EPHA5: variants seen among roughly 807,000 people sequenced by gnomAD.
The protein encoded by EPHA5 is ephrin type-A receptor 5.
A neutral mutation model predicts 105.0 loss-of-function variants in EPHA5; 60 were observed. The observed-to-expected ratio is 0.57, with a 90% CI of 0.46 to 0.71. EPHA5 has a LOEUF of 0.71. EPHA5 is among the 30% of genes least tolerant of loss of function. The probability of loss-of-function intolerance (pLI) is 0.00; values close to 1 mark genes in which losing one functional copy is unlikely to be tolerated. For missense variants in EPHA5, 1,218 were observed against 1,274.7 expected (o/e 0.96, Z 0.68); for synonymous variants, 513 against 449.1 (o/e 1.14, Z -1.80).
chr4:65,340,441 G>A (rs552910146), intron 14 of EPHA5, among the ~76,000 whole-genome samples: 14 of 152,214 alleles, frequency 9.2e-5, no homozygotes, highest in Admixed American at 7.2e-4. Context: ...CTGATACAGA[G>A]CAGCAGGAAG....
intron 3 of EPHA5, among the ~76,000 whole-genome samples, chr4:65,516,946 G>A (rs1734165581): frequency 6.6e-6 from 1 of 152,094 alleles, no homozygotes. Context: ...AGAATGTGTA[G>A]TGTTTGTGTG....
intron 6 of EPHA5, among the ~76,000 whole-genome samples, chr4:65,417,131 C>T (rs1263115013): frequency 6.6e-6 from 1 of 152,178 alleles, no homozygotes. Context: ...TTTGCCTCTG[C>T]CTTTAATTAA....
chr4:65,506,958 C>G (rs530888721), intron 3 of EPHA5, among the ~76,000 whole-genome samples: 17 of 151,894 alleles, frequency 1.1e-4, no homozygotes, highest in Non-Finnish European at 2.2e-4. Context: ...ATGTCCTGAA[C>G]GGTATTGCCT....
chr4:65,409,564 T>G (rs1021530507), intron 7 of EPHA5, among the ~76,000 whole-genome samples: 1 of 152,140 alleles, frequency 6.6e-6, no homozygotes, highest in Non-Finnish European at 1.5e-5. Flanking sequence ...TCTCTAGACT[T>G]TATTGCCTCA....
chr4:65,410,456 C>A (rs761104476), intron 7 of EPHA5, among the ~76,000 whole-genome samples: 6 of 152,088 alleles, frequency 3.9e-5, no homozygotes, highest in Non-Finnish European at 8.8e-5. Context: ...TATTAAAAAG[C>A]AACACAAGGG....
At chr4:65,536,399 T>G (rs1736289666) in intron 3 of EPHA5, among the ~76,000 whole-genome samples, 1 of 151,856 alleles carries the variant, frequency 6.6e-6, no homozygotes, top group Non-Finnish European at 1.5e-5. Flanking sequence ...AAATTCTTAT[T>G]TTCTTAACAG....
At chr4:65,552,652 C>T (rs960772177) in intron 3 of EPHA5, among the ~76,000 whole-genome samples, 11 of 152,052 alleles carry the variant, frequency 7.2e-5, no homozygotes, top group African/African-American at 2.2e-4. Context: ...GACATAAATA[C>T]TTGTGAATGT....
intron 5 of EPHA5, among the ~76,000 whole-genome samples, chr4:65,461,929 A>G (rs983843405): frequency 6.6e-6 from 1 of 152,152 alleles, no homozygotes; most frequent in East Asian, 1.9e-4. Context: ...ATAACAGAAT[A>G]TAATTGATAT....
intron 8 of EPHA5, among the ~76,000 whole-genome samples, chr4:65,369,901 A>C (rs1385566630): frequency 6.6e-6 from 1 of 152,142 alleles, no homozygotes; most frequent in East Asian, 1.9e-4. Flanking sequence ...CAGGAGCCGG[A>C]GGTTGCAGTG....
At chr4:65,365,649 CTATATA>C (rs57048004) in intron 10 of EPHA5, among the ~76,000 whole-genome samples, 9,472 of 64,102 alleles carry the variant, frequency 0.15, 753 homozygotes, top group East Asian at 0.24. Flanking sequence ...TACAAATTCA[CTATATA>C]TATATATATA....
intron 3 of EPHA5, among the ~76,000 whole-genome samples, chr4:65,518,901 T>C (rs2149274764): frequency 6.6e-6 from 1 of 152,238 alleles, no homozygotes. Flanking sequence ...GAGGAGCTGG[T>C]ATCATTCCTT....
At chr4:65,577,816 A>G (rs1741211728) in intron 3 of EPHA5, among the ~76,000 whole-genome samples, 1 of 152,106 alleles carries the variant, frequency 6.6e-6, no homozygotes, top group South Asian at 2.1e-4. Flanking sequence ...GAGGGAAAGT[A>G]TGTACTTAGC....
intron 3 of EPHA5, among the ~76,000 whole-genome samples, chr4:65,542,573 G>C (rs1466411821): frequency 6.6e-6 from 1 of 151,792 alleles, no homozygotes; most frequent in African/African-American, 2.4e-5. Context: ...AATTGAGGCA[G>C]TAATAAGTAG....
At chr4:65,448,500 T>C (rs1437102361) in intron 5 of EPHA5, among the ~76,000 whole-genome samples, 1 of 151,842 alleles carries the variant, frequency 6.6e-6, no homozygotes, top group African/African-American at 2.4e-5. Flanking sequence ...ATACAAAAAT[T>C]AGCTAGGTGT....
chr4:65,381,543 A>C (rs987280997), intron 8 of EPHA5, among the ~76,000 whole-genome samples: 1 of 151,882 alleles, frequency 6.6e-6, no homozygotes, highest in African/African-American at 2.4e-5. Context: ...GTGATTAAAA[A>C]GAATTTAAAC....
intron 5 of EPHA5, among the ~76,000 whole-genome samples, chr4:65,437,750 A>C (rs1189100317): frequency 2.6e-5 from 4 of 152,076 alleles, no homozygotes; most frequent in South Asian, 4.1e-4. Context: ...CCAGTGCCTC[A>C]ATATAGTCAT....
At chr4:65,417,669 C>T (rs2149029326) in intron 6 of EPHA5, among the ~76,000 whole-genome samples, 1 of 151,856 alleles carries the variant, frequency 6.6e-6, no homozygotes, top group African/African-American at 2.4e-5. Flanking sequence ...GAATATACAG[C>T]ATTAAATTTG....
chr4:65,521,103 T>C (rs983589303), intron 3 of EPHA5, among the ~76,000 whole-genome samples: 3 of 152,052 alleles, frequency 2.0e-5, no homozygotes, highest in Non-Finnish European at 4.4e-5. Context: ...CTATTCACAA[T>C]AGCAAAGACT....
intron 5 of EPHA5, among the ~76,000 whole-genome samples, chr4:65,448,743 A>G (rs935169655): frequency 6.6e-6 from 1 of 152,170 alleles, no homozygotes; most frequent in Non-Finnish European, 1.5e-5. Flanking sequence ...CTAGAGAAAG[A>G]GCCATGTATA....
Sources: gnomAD v4.1 joint callset for allele counts (sites outside exome capture counted in the v4.1 genomes callset) on GRCh38, gnomAD v4.1.1 for gene constraint, MANE v1.5 for transcripts, NCBI Gene and HGNC (gene_info 2026-07-23, HGNC 2026-07-21) for gene names.